Variants in BCAS3 observed in about 807,000 individuals in gnomAD.
BCAS3 encodes the protein BCAS3 microtubule associated cell migration factor, also known as BCAS4/BCAS3 fusion.
In BCAS3, 53 loss-of-function variants were observed where a neutral mutation model predicts 116.1. That is an observed-to-expected ratio of 0.46 (90% CI 0.37 to 0.57). BCAS3 has a LOEUF of 0.57. Ranked by LOEUF, BCAS3 falls within the 20% of genes least tolerant of loss-of-function variation. The pLI is 0.00. For synonymous variants in BCAS3, 391 were observed against 408.2 expected (o/e 0.96, Z 0.51); for missense variants, 917 against 1,165.4 (o/e 0.79, Z 3.10).
At chr17:60,845,409 A>T (rs903411170) in intron 7 of BCAS3, among the ~76,000 whole-genome samples, 11 of 152,324 alleles carry the variant, frequency 7.2e-5, no homozygotes, top group Non-Finnish European at 1.2e-4. Context: ...GACAAGGTGG[A>T]TTTTTAAGTT....
intron 5 of BCAS3, among the ~76,000 whole-genome samples, chr17:60,740,346 A>C (rs1338623241): frequency 6.6e-6 from 1 of 151,754 alleles, no homozygotes; most frequent in African/African-American, 2.4e-5. Flanking sequence ...CATACAAAAA[A>C]ATTCAGCTGG....
chr17:60,772,382 T>C (rs1294999122), intron 6 of BCAS3, among the ~76,000 whole-genome samples: 33 of 152,194 alleles, frequency 2.2e-4, no homozygotes, highest in East Asian at 9.6e-4. Context: ...TCATATCCTT[T>C]GCCCACTTTT....
chr17:60,903,711 G>A (rs1033621908), intron 11 of BCAS3, among the ~76,000 whole-genome samples: 2 of 152,140 alleles, frequency 1.3e-5, no homozygotes, highest in African/African-American at 4.8e-5. Flanking sequence ...GGGGTTACAG[G>A]TGTGCATCAC....
rs1449799778 is a variant in BCAS3, at chr17:60,994,283, A to G, written c.1486+4048A>G. 2.0e-5 allele frequency among the ~76,000 whole-genome samples: 3 copies of G among 152,058 alleles called. No individual in the cohort carries two copies. The highest frequency in any genetic ancestry group is 4.4e-5 in the Non-Finnish European group (3 of 67,974). On this transcript the variant is annotated intron_variant, in intron 15 of 23. Transcript: ENST00000407086. The surrounding 1 kb of genome is among the most constrained non-coding windows in gnomAD (Gnocchi z 4.4). The stretch of plus-strand genomic sequence containing the variant: ...TATAATATTTTAGTATTAATTGATT[A>G]TATACATTACTATAACACTTTATTT...
chr17:60,838,427 G>A (rs1568355190), intron 7 of BCAS3, among the ~76,000 whole-genome samples: 2 of 151,986 alleles, frequency 1.3e-5, no homozygotes, highest in South Asian at 2.1e-4. Flanking sequence ...TGTGGGGAGT[G>A]AAGAGGGAGT....
chr17:60,869,554 C>T (rs1002037046), intron 8 of BCAS3, among the ~76,000 whole-genome samples: 3 of 151,934 alleles, frequency 2.0e-5, no homozygotes, highest in Non-Finnish European at 4.4e-5. Flanking sequence ...GAAGGGAGGG[C>T]AAAGACATAC....
rs951075712 is a variant in BCAS3 at position 61,343,052 on chromosome 17, G to A, written c.2426-25275G>A. Among the ~76,000 whole-genome samples the A allele has an allele frequency of 1.3e-5, 2 of 152,126 alleles. No homozygotes were observed. The highest frequency in any genetic ancestry group is 2.9e-5 in the Non-Finnish European group (2 of 68,018). ...CAGGCGTGAGCCACTGAGCCCAGCCGAGATTTTCTTTTAAAGGAAGGTGAG... is the reference window on the plus strand; with the variant it reads ...CAGGCGTGAGCCACTGAGCCCAGCCAAGATTTTCTTTTAAAGGAAGGTGAG... On this transcript the variant is annotated intron_variant, in intron 22 of 23. Coordinates refer to ENST00000407086, the MANE Select transcript of BCAS3 (RefSeq NM_017679.5). The surrounding 1 kb of genome is among the most constrained non-coding windows in gnomAD (Gnocchi z 5.5).
At position 60,874,672 on chromosome 17, in the gene BCAS3, G is replaced by C. The variant is rs751009642; in HGVS notation, c.595G>C (p.Val199Leu). ...DLHCNKRILV[V>L]VLQEKIAAFD... ...TCTCTCTAATTTTAGGATCCTTGTCGTAGTCTTGCAGGAGAAAATTGCTGC... is the reference window on the plus strand; with the variant it reads ...TCTCTCTAATTTTAGGATCCTTGTCCTAGTCTTGCAGGAGAAAATTGCTGC... The change falls in exon 9 of 24, where the codon GTA (valine) becomes CTA (leucine). Residue 199 changes from valine (V) to leucine (L), a missense_variant. By Grantham distance (32) the Val-to-Leu change is conservative (BLOSUM62 1). Around this residue, in one of 3 missense-constraint regions of BCAS3, gnomAD observed 807 missense variants for 1,026.0 expected, o/e 0.79. Coordinates refer to ENST00000407086, the MANE Select transcript of BCAS3 (RefSeq NM_017679.5). 6.2e-7 allele frequency: 1 copy of C among 1,603,916 alleles called. No individual in the cohort carries two copies. Among genetic ancestry groups the C allele is most frequent in the Middle Eastern group, 1.7e-4 (1 of 6,024 alleles).
rs866258054 is a variant in BCAS3 at position 61,315,408 on chromosome 17, C to G, written c.2426-52919C>G. ...TGCTGGGATTACAGGTGTGAGCCAC[C>G]GCGCCCAGCCAACGCACTCCTGTTC... On this transcript the variant is annotated intron_variant, in intron 22 of 23. Transcript: ENST00000407086. This position sits in a 1 kb window ranked among gnomAD's most constrained non-coding sequence, Gnocchi z 5.3. Among the ~76,000 whole-genome samples the G allele has an allele frequency of 6.6e-6, 1 of 152,158 alleles. No homozygotes were observed. The highest frequency in any genetic ancestry group is 6.5e-5 in the Admixed American group (1 of 15,278).
intron 19 of BCAS3, among the ~76,000 whole-genome samples, chr17:61,044,171 G>T (rs1469805840): frequency 6.6e-6 from 1 of 151,868 alleles, no homozygotes; most frequent in African/African-American, 2.4e-5. Context: ...AAGAGGTGGG[G>T]GCGCGGTGGC....
At chr17:61,331,223 A>AG (rs2056262623) in intron 22 of BCAS3, among the ~76,000 whole-genome samples, 1 of 151,978 alleles carries the variant, frequency 6.6e-6, no homozygotes, top group Admixed American at 6.6e-5. Context: ...CTAGAGTGGG[A>AG]GGGGGGCTTT....
At chr17:60,878,808 T>C (rs1014678404) in intron 9 of BCAS3, among the ~76,000 whole-genome samples, 2 of 152,222 alleles carry the variant, frequency 1.3e-5, no homozygotes, top group Non-Finnish European at 2.9e-5. Context: ...TCTGTAAATA[T>C]TTGAATGAAG....
intron 15 of BCAS3, among the ~76,000 whole-genome samples, chr17:60,997,719 C>CTGTGAA (rs1787752405): frequency 6.6e-6 from 1 of 152,332 alleles, no homozygotes; most frequent in South Asian, 2.1e-4. Flanking sequence ...GGTACACATT[C>CTGTGAA]AACCCCATCT....
At chr17:60,963,327 A>G (rs2061497984) in intron 14 of BCAS3, among the ~76,000 whole-genome samples, 1 of 151,844 alleles carries the variant, frequency 6.6e-6, no homozygotes, top group Non-Finnish European at 1.5e-5. Context: ...TTTGGATAGT[A>G]TTGTCGTTTT....
At chr17:61,329,343 A>ATTATTTTTTTTTTTTTTTTTTTTTTTTT (rs1555831750) in intron 22 of BCAS3, among the ~76,000 whole-genome samples, 1 of 131,280 alleles carries the variant, frequency 7.6e-6, no homozygotes, top group African/African-American at 2.9e-5. Context: ...TATTATTATT[A>ATTATTTTTTTTTTTTTTTTTTTTTTTTT]TTTTTTTTTT....
At chr17:61,271,634 T>TGTGTGTGTGTG (rs71148401) in intron 22 of BCAS3, among the ~76,000 whole-genome samples, 2 of 140,502 alleles carry the variant, frequency 1.4e-5, no homozygotes, top group Admixed American at 7.2e-5. Context: ...TGTGTGTGTG[T>TGTGTGTGTGTG]TTAGTAGAGA....
intron 19 of BCAS3, among the ~76,000 whole-genome samples, chr17:61,046,967 A>G (rs1240991880): frequency 1.3e-5 from 2 of 151,956 alleles, no homozygotes; most frequent in African/African-American, 2.4e-5. Context: ...CAGCCCAGTA[A>G]TCATAATAAA....
At chr17:61,295,324 T>TA (rs2052788133) in intron 22 of BCAS3, among the ~76,000 whole-genome samples, 1 of 152,202 alleles carries the variant, frequency 6.6e-6, no homozygotes, top group Non-Finnish European at 1.5e-5. Context: ...GAGCAGGTGA[T>TA]ACGCAAAGAG....
chr17:61,238,523 A>G (rs1029913792), intron 22 of BCAS3, among the ~76,000 whole-genome samples: 3 of 152,030 alleles, frequency 2.0e-5, no homozygotes, highest in African/African-American at 7.2e-5. Flanking sequence ...ACCCAGGCAC[A>G]AGAGTATTTC....
Sources: allele counts gnomAD v4.1 joint callset (sites outside exome capture counted in the v4.1 genomes callset), GRCh38; gene constraint gnomAD v4.1.1; regional missense constraint gnomAD v4.1.1; non-coding constraint Gnocchi (gnomAD v3.1); transcripts MANE v1.5; gene names NCBI Gene and HGNC (gene_info 2026-07-23, HGNC 2026-07-21).